ZNF677: variants seen among roughly 807,000 people sequenced by gnomAD.
ZNF677 encodes zinc finger protein 677.
ZNF677 carries 5 observed loss-of-function variants against 8.1 expected under a neutral mutation model. The ratio of observed to expected loss-of-function variants is 0.62; its 90% confidence interval spans 0.32 to 1.29. The LOEUF (loss-of-function observed/expected upper bound fraction) is 1.29, where lower values mean the gene tolerates loss of function less well. ZNF677 is among the 50% of genes most tolerant of loss of function. The pLI is 0.05. For synonymous variants in ZNF677, 221 were observed against 225.6 expected, an observed-to-expected ratio of 0.98 and a Z score of 0.18; for missense variants, 685 against 685.9, an observed-to-expected ratio of 1.00 and a Z score of 0.01.
chr19:53,247,881 T>A (rs766465856), intron 3 of ZNF677, among the ~76,000 whole-genome samples: 1 of 152,230 alleles, frequency 6.6e-6, no homozygotes, highest in African/African-American at 2.4e-5. Flanking sequence ...GGAAGTCTTT[T>A]ATAAACATTA....
chr19:53,237,766 A>C lies in ZNF677; in HGVS notation c.961T>G (p.Cys321Gly). ...RVHTGEKPYQ[C>G]NICGKVCSQN... ...CTACAGACCTTGCCACATATATTACATTGATATGGTTTCTCTCCTGTATGG... is the reference window on the plus strand; with the variant it reads ...CTACAGACCTTGCCACATATATTACCTTGATATGGTTTCTCTCCTGTATGG... Residue 321 changes from cysteine to glycine, a missense_variant, in exon 5 of 5, where the codon TGT (cysteine) becomes GGT (glycine). By Grantham distance (159) the Cys-to-Gly change is radical. Transcript: ENST00000598513. 2 of 1,613,662 alleles carry C rather than the reference A, an allele frequency of 1.2e-6. No homozygotes were observed. The highest frequency in any genetic ancestry group is 1.7e-6 in the Non-Finnish European group (2 of 1,179,838).
chr19:53,237,262 A>G lies in ZNF677; in HGVS notation c.1465T>C (p.Cys489Arg), dbSNP rs2090980988. ...RTHTGEKPYK[C>R]TECGKAFTER... is the part of the protein sequence containing the mutation. ...GTAAAGGCTTTGCCACATTCAGTAC[A>G]TTTGTAAGGTTTCTCTCCAGTATGA... Residue 489 changes from cysteine (C) to arginine (R), a missense_variant, in exon 5 of 5, where the codon TGT becomes CGT. Physicochemically the swap from Cys to Arg is radical, Grantham distance 180. Coordinates refer to ENST00000598513, the MANE Select transcript of ZNF677 (RefSeq NM_182609.4). 1.9e-6 allele frequency: 3 copies of G among 1,613,788 alleles called. No individual in the cohort carries two copies. Among genetic ancestry groups the G allele is most frequent in the Non-Finnish European group, 2.5e-6 (3 of 1,179,914 alleles).
At chr19:53,241,613 C>T (rs1205248085) in intron 4 of ZNF677, 8 of 377,350 alleles carry the variant, frequency 2.1e-5, no homozygotes, top group Admixed American at 1.4e-4. Flanking sequence ...ATCTAACCAG[C>T]GTTGTCACAC....
intron 4 of ZNF677, chr19:53,243,147 T>C (rs1417631485): frequency 6.5e-6 from 1 of 153,370 alleles, no homozygotes; most frequent in Non-Finnish European, 1.5e-5. Context: ...TGTGCTCACA[T>C]TCCGACCTAC....
At chr19:53,254,675 C>T (rs1046315190) in intron 1 of ZNF677, 159 bp downstream of exon 1, 1 of 152,482 alleles carries the variant, frequency 6.6e-6, no homozygotes, top group Non-Finnish European at 1.5e-5. Context: ...TCTAGACCCT[C>T]TCGGAGCGAC....
At chr19:53,254,334 T>C (rs943169918) in intron 1 of ZNF677, among the ~76,000 whole-genome samples, 10 of 152,140 alleles carry the variant, frequency 6.6e-5, no homozygotes, top group African/African-American at 2.4e-4. Context: ...TGGCTTCCCT[T>C]CCTCTCCTTC....
intron 3 of ZNF677, among the ~76,000 whole-genome samples, chr19:53,251,200 G>T (rs2091228102): frequency 6.6e-6 from 1 of 152,050 alleles, no homozygotes; most frequent in African/African-American, 2.4e-5. Context: ...TTTAATCCTG[G>T]TTTATAAAGA....
chr19:53,244,770 C>T (rs933596282), intron 3 of ZNF677, among the ~76,000 whole-genome samples: 2 of 152,078 alleles, frequency 1.3e-5, no homozygotes, highest in Admixed American at 6.5e-5. Flanking sequence ...TCATATAGAA[C>T]TATAAAGACC....
At position 53,238,085 on chromosome 19, in the gene ZNF677, A is replaced by C. The variant is rs937217296; in HGVS notation, c.642T>G (p.Cys214Trp). 1.2e-5 allele frequency: 20 copies of C among 1,613,962 alleles called. No individual in the cohort carries two copies. Among genetic ancestry groups the C allele is most frequent in the Non-Finnish European group, 1.5e-5 (18 of 1,179,964 alleles). Reference sequence around the variant, plus strand: ...TATTGATAGACTTCTCAACTGGATTACATTCATACATTTTCTCCCCAGTTT... The same window carrying C: ...TATTGATAGACTTCTCAACTGGATTCCATTCATACATTTTCTCCCCAGTTT... ...RFQTGEKMYE[C>W]NPVEKSINSS... The change falls in exon 5 of 5, where the codon TGT becomes TGG. Residue 214 changes from cysteine to tryptophan, a missense_variant. Physicochemically the swap from Cys to Trp is radical, Grantham distance 215. Coordinates refer to ENST00000598513, the MANE Select transcript of ZNF677 (RefSeq NM_182609.4).
chr19:53,250,716 G>A (rs1234488257), intron 3 of ZNF677, among the ~76,000 whole-genome samples: 1 of 152,086 alleles, frequency 6.6e-6, no homozygotes. Context: ...AATAACTAAT[G>A]GGTACGAGGT....
At chr19:53,244,038 T>A (rs1044827429) in intron 3 of ZNF677, 141 bp from the exon 4 acceptor site, 3 of 756,944 alleles carry the variant, frequency 4.0e-6, no homozygotes, top group South Asian at 2.1e-5. Context: ...TTATTTTTTT[T>A]AAACTGAGAT....
At chr19:53,251,754 T>G in intron 2 of ZNF677, 149 bp from the exon 3 acceptor site, 1 of 589,824 alleles carries the variant, frequency 1.7e-6, no homozygotes, top group South Asian at 2.2e-5. Context: ...TGAAAAAAAT[T>G]AACTCCTAAA....
At chr19:53,244,453 T>C (rs142891976) in intron 3 of ZNF677, among the ~76,000 whole-genome samples, 1 of 152,322 alleles carries the variant, frequency 6.6e-6, no homozygotes, top group Non-Finnish European at 1.5e-5. Flanking sequence ...TCTGTCTAGT[T>C]CAAAAACATT....
intron 2 of ZNF677, among the ~76,000 whole-genome samples, chr19:53,252,585 C>A (rs555308897): frequency 6.6e-6 from 1 of 152,192 alleles, no homozygotes; most frequent in Non-Finnish European, 1.5e-5. Flanking sequence ...GAAAAATATT[C>A]AAAAATATGA....
rs1053658717 is a variant in ZNF677 at position 53,236,743 on chromosome 19, T to C, written c.*229A>G. On this transcript the variant is annotated 3_prime_UTR_variant, in exon 5 of 5. Coordinates refer to ENST00000598513, the MANE Select transcript of ZNF677 (RefSeq NM_182609.4). ...TGTTATAACCATAATAGGGTAAATATTTTTATAAAGCTGTTCACATTCATT... is the reference window on the plus strand; with the variant it reads ...TGTTATAACCATAATAGGGTAAATACTTTTATAAAGCTGTTCACATTCATT... The C allele has an allele frequency of 2.7e-6, 1 of 375,744 alleles. No homozygotes were observed. The highest frequency in any genetic ancestry group is 2.1e-5 in the African/African-American group (1 of 47,896). 23.3% of individuals were successfully genotyped at this position (375,744 alleles called of 1,614,324 possible). A position where few individuals can be genotyped will look rare whatever the true frequency, so the allele number is the denominator to read the frequency against.
Position 53,238,532 on chromosome 19 carries a change from C to A in ZNF677, c.195G>T (p.Lys65Asn). The A allele has an allele frequency of 6.4e-7, 1 of 1,573,710 alleles. No individual in the cohort carries two copies. Among genetic ancestry groups the A allele is most frequent in the South Asian group, 1.2e-5 (1 of 84,590 alleles). ...EDDISVGFTS[K>N]GLSPKENNKE... is the part of the protein sequence containing the mutation. ...TATTATTTTCCTTTGGTGATAATCC[C>A]TTGCTTGTAAATCCAACAGAAATAT... The change falls in exon 5 of 5, where the codon AAG becomes AAT. Residue 65 changes from lysine (K) to asparagine (N), a missense_variant. Lys to Asn is a moderately conservative substitution (Grantham distance 94). Transcript: ENST00000598513.
At position 53,237,610 on chromosome 19, in the gene ZNF677, T is replaced by G; in HGVS notation, c.1117A>C (p.Lys373Gln). 6.2e-7 allele frequency: 1 copy of G among 1,613,992 alleles called. No homozygotes were observed. The highest frequency in any genetic ancestry group is 8.5e-7 in the Non-Finnish European group (1 of 1,179,956). ...TCACATTCATTACATTTGTAAGGTT[T>G]CTCTCCAGTATGAATTCTTTCATGA... ...WGHERIHTGE[K>Q]PYKCNECDKA... The change falls in exon 5 of 5, where the codon AAA (lysine) becomes CAA (glutamine). Residue 373 changes from lysine to glutamine, a missense_variant. Lys to Gln is a moderately conservative substitution (Grantham distance 53, BLOSUM62 1). Transcript: ENST00000598513.
intron 4 of ZNF677, chr19:53,242,485 AG>A (rs2091068393): frequency 2.5e-6 from 1 of 398,380 alleles, no homozygotes; most frequent in South Asian, 1.3e-4. Context: ...GCAATCAAAA[AG>A]AGGATCTCTC....
chr19:53,253,234 G>GT (rs1396313433), intron 1 of ZNF677, 78 bp from the exon 2 acceptor site: 2 of 152,178 alleles, frequency 1.3e-5, no homozygotes, highest in African/African-American at 4.8e-5. Flanking sequence ...CCCCTGTATA[G>GT]TTGTACCTGC....
Sources: allele counts gnomAD v4.1 joint callset (sites outside exome capture counted in the v4.1 genomes callset), GRCh38; gene constraint gnomAD v4.1.1; transcripts MANE v1.5; gene names NCBI Gene and HGNC (gene_info 2026-07-23, HGNC 2026-07-21).